Variants in CETN3 observed in about 807,000 individuals in gnomAD.
The protein encoded by CETN3 is centrin 3.
CETN3 carries 17 observed loss-of-function variants against 20.1 expected under a neutral mutation model. That is an observed-to-expected ratio of 0.85 (90% CI 0.58 to 1.27). CETN3 has a LOEUF of 1.27. Among genes scored for constraint, CETN3 ranks in the 50% most tolerant of loss-of-function variants. The pLI, the probability that CETN3 is intolerant of heterozygous loss-of-function variation, is 0.00. For synonymous variants in CETN3, 52 were observed against 59.7 expected, an observed-to-expected ratio of 0.87 and a Z score of 0.59; for missense variants, 169 against 191.2, an observed-to-expected ratio of 0.88 and a Z score of 0.69.
At chr5:90,403,140 G>A (rs191168532) in intron 3 of CETN3, among the ~76,000 whole-genome samples, 17 of 152,224 alleles carry the variant, frequency 1.1e-4, no homozygotes, top group Admixed American at 9.8e-4. Context: ...CCAGTACTAG[G>A]AAGAGTCTAT....
At chr5:90,394,314 A>C (rs1192040363) in intron 4 of CETN3, among the ~76,000 whole-genome samples, 5 of 152,076 alleles carry the variant, frequency 3.3e-5, no homozygotes, top group Non-Finnish European at 7.4e-5. Context: ...AATACATATA[A>C]TGTGATAAAC....
At position 90,393,744 on chromosome 5, in the gene CETN3, C is replaced by T. The variant is rs189352555; in HGVS notation, c.*320G>A. 1.5e-4 allele frequency: 26 copies of T among 170,174 alleles called. No individual in the cohort carries two copies. In the East Asian group the frequency reaches 3.1e-3, roughly 21 times the overall value. The allele number at this position is 170,174 out of a possible 1,614,324, so 10.5% of individuals were successfully genotyped here. On this transcript the variant is annotated 3_prime_UTR_variant, in exon 5 of 5. Coordinates refer to ENST00000283122, the MANE Select transcript of CETN3 (RefSeq NM_004365.4). ...TCTAATAAAATAAATATTTTATTAA[C>T]GAAAGTCTGGAAAATGTGTGCACTA...
At position 90,399,523 on chromosome 5, in the gene CETN3, G is replaced by A; in HGVS notation, c.295C>T (p.Pro99Ser). 1 of 1,612,952 alleles carries A rather than the reference G, an allele frequency of 6.2e-7. No individual in the cohort carries two copies. The highest frequency in any genetic ancestry group is 8.5e-7 in the Non-Finnish European group (1 of 1,179,426). Residue 99 changes from proline to serine, a missense_variant, in exon 4 of 5, where the codon CCC (proline) becomes TCC (serine). Pro to Ser is a moderately conservative substitution (Grantham distance 74, BLOSUM62 -1). Transcript: ENST00000283122. ...AATGCCTTGAGTATTTCTTCATGGGGATCTCTTTCCAATATCCAGTCTGTC... is the reference window on the plus strand; with the variant it reads ...AATGCCTTGAGTATTTCTTCATGGGAATCTCTTTCCAATATCCAGTCTGTC... ...VVTDWILERD[P>S]HEEILKAFKL...
rs147579316 is a variant in CETN3 at position 90,407,744 on chromosome 5, T to C, written c.108A>G (p.Leu36=). The change falls in exon 2 of 5, where the codon CTA becomes CTG. Residue 36 remains leucine, a synonymous_variant. Coordinates refer to ENST00000283122, the MANE Select transcript of CETN3 (RefSeq NM_004365.4). ...QKQEIKDAFE[L]FDTDKDEAID... is the part of the protein sequence containing the mutation. ...TTGCTTCATCTTTGTCTGTATCAAA[T>C]AGTTCAAAAGCATCTTTAATTTCTT... 3.8e-4 allele frequency: 599 copies of C among 1,587,816 alleles called. 1 individual carries two copies. Among genetic ancestry groups the C allele is most frequent in the Non-Finnish European group, 4.5e-4 (528 of 1,160,912 alleles).
chr5:90,395,481 C>A (rs908877157), intron 4 of CETN3, among the ~76,000 whole-genome samples: 2 of 151,228 alleles, frequency 1.3e-5, no homozygotes, highest in Admixed American at 6.6e-5. Context: ...ATTTAGAGAC[C>A]GGGTTATGAG....
At chr5:90,394,133 G>A (rs1348426052) in intron 4 of CETN3, 26 bp from the exon 5 acceptor site, 1 of 1,447,740 alleles carries the variant, frequency 6.9e-7, no homozygotes, top group South Asian at 1.2e-5. Context: ...AAATGAAATA[G>A]TCAGAAATAT....
At chr5:90,395,405 A>G (rs964555505) in intron 4 of CETN3, among the ~76,000 whole-genome samples, 1 of 152,144 alleles carries the variant, frequency 6.6e-6, no homozygotes, top group African/African-American at 2.4e-5. Context: ...TAGTAGATGG[A>G]TATGCTAAAA....
chr5:90,405,368 T>A (rs1375074119), intron 3 of CETN3: 2 of 327,878 alleles, frequency 6.1e-6, no homozygotes, highest in Non-Finnish European at 1.1e-5. Flanking sequence ...AAAATAATTT[T>A]TTGATCACCC....
At position 90,409,737 on chromosome 5, in the gene CETN3, G is replaced by C. The variant is rs1015266518; in HGVS notation, c.-76C>G. On this transcript the variant is annotated 5_prime_UTR_variant, in exon 1 of 5. Transcript: ENST00000283122. ...CCAAGGCAGCAAGACGCCCACAGCC[G>C]TTCAACAGACACGAACGACCTCAGC... is the stretch of plus-strand genomic sequence containing the variant. The C allele has an allele frequency of 2.9e-5, 46 of 1,568,708 alleles. No homozygotes were observed. The highest frequency in any genetic ancestry group is 3.9e-5 in the Non-Finnish European group (45 of 1,139,486).
intron 1 of CETN3, among the ~76,000 whole-genome samples, chr5:90,408,067 T>A (rs1219076892): frequency 6.6e-6 from 1 of 152,164 alleles, no homozygotes; most frequent in Non-Finnish European, 1.5e-5. Context: ...GACCAAACTT[T>A]TCTTTTTCCC....
At position 90,400,616 on chromosome 5, in the gene CETN3, T is replaced by C. The variant is rs922581792; in HGVS notation, c.269-1067A>G. On this transcript the variant is annotated intron_variant, in intron 3 of 4. Coordinates refer to ENST00000283122, the MANE Select transcript of CETN3 (RefSeq NM_004365.4). ...AAAAAAAAAAAAAAGCAACTGCTTATAGATGGAAAATACTGGAATGTTTAA... is the reference window on the plus strand; with the variant it reads ...AAAAAAAAAAAAAAGCAACTGCTTACAGATGGAAAATACTGGAATGTTTAA... Among the ~76,000 whole-genome samples the C allele has an allele frequency of 5.5e-5, 8 of 145,930 alleles. No homozygotes were observed. In the South Asian group the frequency reaches 8.7e-4, roughly 16 times the overall value.
chr5:90,400,135 G>A (rs778054912), intron 3 of CETN3, among the ~76,000 whole-genome samples: 3 of 152,146 alleles, frequency 2.0e-5, no homozygotes, highest in Non-Finnish European at 4.4e-5. Context: ...AGAACCTCTT[G>A]GTTTTCCAAA....
At chr5:90,403,381 T>C (rs1749350119) in intron 3 of CETN3, among the ~76,000 whole-genome samples, 1 of 152,214 alleles carries the variant, frequency 6.6e-6, no homozygotes, top group Non-Finnish European at 1.5e-5. Context: ...GTACTCTCCA[T>C]AGGTAGCCTT....
chr5:90,403,673 C>T (rs1749359395), intron 3 of CETN3, among the ~76,000 whole-genome samples: 1 of 151,326 alleles, frequency 6.6e-6, no homozygotes, highest in African/African-American at 2.4e-5. Context: ...AGATCGAGAC[C>T]ATCCCGGCTA....
At chr5:90,403,875 G>T in intron 3 of CETN3, among the ~76,000 whole-genome samples, 1 of 86,730 alleles carries the variant, frequency 1.2e-5, no homozygotes, top group Admixed American at 1.5e-4. Flanking sequence ...TGTCTCAAAA[G>T]AAAAAAAAAA....
At chr5:90,406,276 C>T (rs984860290) in intron 2 of CETN3, among the ~76,000 whole-genome samples, 2 of 151,812 alleles carry the variant, frequency 1.3e-5, no homozygotes, top group African/African-American at 4.8e-5. Context: ...GATTTTGTTA[C>T]TAATAATAAG....
Position 90,395,034 on chromosome 5 carries a change from A to G in CETN3, c.461-927T>C, listed in dbSNP as rs766970921. On this transcript the variant is annotated intron_variant, in intron 4 of 4. Coordinates refer to ENST00000283122, the MANE Select transcript of CETN3 (RefSeq NM_004365.4). ...ATAATTTTGATAATGCCAAAAGAAA[A>G]CTACACTGAGACTTAAGACCTGGTC... 2.9e-4 allele frequency among the ~76,000 whole-genome samples: 44 copies of G among 152,098 alleles called. 1 individual carries two copies. The highest frequency in any genetic ancestry group is 3.5e-4 in the Non-Finnish European group (24 of 68,004).
At chr5:90,403,594 G>A (rs1208357867) in intron 3 of CETN3, among the ~76,000 whole-genome samples, 1 of 152,088 alleles carries the variant, frequency 6.6e-6, no homozygotes, top group Non-Finnish European at 1.5e-5. Flanking sequence ...ATTTTTGGCC[G>A]GGCGCGGTGG....
chr5:90,407,989 A>G (rs753834698), intron 1 of CETN3, among the ~76,000 whole-genome samples, 155 bp from the exon 2 acceptor site: 1 of 152,186 alleles, frequency 6.6e-6, no homozygotes, highest in Non-Finnish European at 1.5e-5. Flanking sequence ...TTTATTCCAT[A>G]GTCTAAATTG....
Sources: gnomAD v4.1 joint callset for allele counts (sites outside exome capture counted in the v4.1 genomes callset) on GRCh38, gnomAD v4.1.1 for gene constraint, MANE v1.5 for transcripts, NCBI Gene and HGNC (gene_info 2026-07-23, HGNC 2026-07-21) for gene names.